EVI5: variants seen among roughly 807,000 people sequenced by gnomAD.
EVI5 encodes the protein ecotropic viral integration site 5, also known as ecotropic viral integration site 5 protein homolog.
A neutral mutation model predicts 112.0 loss-of-function variants in EVI5; 73 were observed. The observed-to-expected ratio is 0.65, with a 90% CI of 0.54 to 0.79. EVI5 has a LOEUF of 0.79. Among genes scored for constraint, EVI5 ranks in the 30% least tolerant of loss-of-function variants. The pLI, the probability that EVI5 is intolerant of heterozygous loss-of-function variation, is 0.00. For synonymous variants in EVI5, 305 were observed against 319.9 expected, an observed-to-expected ratio of 0.95 and a Z score of 0.50; for missense variants, 900 against 968.8, an observed-to-expected ratio of 0.93 and a Z score of 0.94.
intron 11 of EVI5, 114 bp downstream of exon 11, chr1:92,665,825 A>T: frequency 1.6e-6 from 1 of 636,390 alleles, no homozygotes; most frequent in Non-Finnish European, 2.7e-6. Context: ...CAAGCTAAGC[A>T]GTCAATACTA....
intron 2 of EVI5, among the ~76,000 whole-genome samples, chr1:92,731,076 C>T (rs1327275594): frequency 6.6e-6 from 1 of 152,164 alleles, no homozygotes; most frequent in Non-Finnish European, 1.5e-5. Flanking sequence ...GTAATCCCAG[C>T]ACTTTGGGAG....
intron 16 of EVI5, among the ~76,000 whole-genome samples, chr1:92,618,054 G>A (rs947460680): frequency 1.3e-5 from 2 of 152,180 alleles, no homozygotes; most frequent in African/African-American, 4.8e-5. Context: ...ATGGGCTTTT[G>A]AAGTCACAAT....
intron 1 of EVI5, 50 bp from the exon 2 acceptor site, chr1:92,736,677 T>A: frequency 8.9e-7 from 1 of 1,118,834 alleles, no homozygotes; most frequent in Non-Finnish European, 1.4e-6. Flanking sequence ...CTGTATTCAT[T>A]ACCGAGAACT....
At chr1:92,611,848 G>C (rs1335712577) in intron 16 of EVI5, among the ~76,000 whole-genome samples, 1 of 151,866 alleles carries the variant, frequency 6.6e-6, no homozygotes, top group Non-Finnish European at 1.5e-5. Context: ...GCTTGAGGCT[G>C]TAGTGAGATA....
chr1:92,604,848 C>T (rs954991257), intron 18 of EVI5, among the ~76,000 whole-genome samples: 1 of 152,168 alleles, frequency 6.6e-6, no homozygotes, highest in Non-Finnish European at 1.5e-5. Context: ...CATTATCATC[C>T]TATGGGACCA....
At chr1:92,632,288 T>C (rs1405241764) in intron 14 of EVI5, among the ~76,000 whole-genome samples, 5 of 152,314 alleles carry the variant, frequency 3.3e-5, no homozygotes, top group Admixed American at 2.0e-4. Flanking sequence ...CTGGTAGAAT[T>C]TGGCTGTGAA....
chr1:92,703,366 A>G, intron 4 of EVI5, 29 bp downstream of exon 4: 1 of 1,319,908 alleles, frequency 7.6e-7, no homozygotes. Flanking sequence ...AATTCATTTC[A>G]TTTCAAAAAA....
At chr1:92,763,591 G>C (rs1443852290) in intron 1 of EVI5, among the ~76,000 whole-genome samples, 1 of 151,784 alleles carries the variant, frequency 6.6e-6, no homozygotes, top group Non-Finnish European at 1.5e-5. Context: ...CTCTGGCCTG[G>C]GTGAAAGAAC....
At chr1:92,527,125 G>A (rs1662013511) in intron 19 of EVI5, among the ~76,000 whole-genome samples, 1 of 152,068 alleles carries the variant, frequency 6.6e-6, no homozygotes, top group Non-Finnish European at 1.5e-5. Context: ...TTTCAAGAAT[G>A]TATTTAGGGC....
chr1:92,522,573 A>G (rs968381037), intron 19 of EVI5, among the ~76,000 whole-genome samples: 1 of 132,666 alleles, frequency 7.5e-6, no homozygotes, highest in African/African-American at 2.8e-5. Context: ...GCGGGGGTTC[A>G]CTAGCCGAGA....
At chr1:92,726,401 C>T (rs988359792) in intron 2 of EVI5, among the ~76,000 whole-genome samples, 1 of 152,032 alleles carries the variant, frequency 6.6e-6, no homozygotes, top group African/African-American at 2.4e-5. Context: ...TCAATGAAAT[C>T]GCAACATTAA....
intron 19 of EVI5, among the ~76,000 whole-genome samples, chr1:92,560,496 C>T (rs1170483111): frequency 6.6e-6 from 1 of 152,092 alleles, no homozygotes; most frequent in Non-Finnish European, 1.5e-5. Flanking sequence ...ATTTATTGAG[C>T]TGTAAACTTT....
chr1:92,736,778 T>C (rs1677519875), intron 1 of EVI5, 151 bp from the exon 2 acceptor site: 1 of 626,040 alleles, frequency 1.6e-6, no homozygotes, highest in Non-Finnish European at 2.8e-6. Flanking sequence ...AACAATACCC[T>C]AATATCCAGC....
chr1:92,676,024 A>G (rs998527048), intron 10 of EVI5, among the ~76,000 whole-genome samples: 1 of 142,238 alleles, frequency 7.0e-6, no homozygotes, highest in African/African-American at 2.6e-5. Context: ...TGACAGAATT[A>G]AAAAAAAAAA....
At chr1:92,643,956 G>GA (rs1557982271) in intron 13 of EVI5, among the ~76,000 whole-genome samples, 1 of 152,130 alleles carries the variant, frequency 6.6e-6, no homozygotes, top group Non-Finnish European at 1.5e-5. Flanking sequence ...AATAAATGTA[G>GA]AAAAATGAGA....
chr1:92,767,523 T>C (rs562643562), intron 1 of EVI5, among the ~76,000 whole-genome samples: 18 of 152,156 alleles, frequency 1.2e-4, no homozygotes, highest in African/African-American at 4.3e-4. Flanking sequence ...AATTATGAGG[T>C]GGAAAAAATG....
chr1:92,727,570 C>G (rs1296338135), intron 2 of EVI5, among the ~76,000 whole-genome samples: 3 of 152,052 alleles, frequency 2.0e-5, no homozygotes, highest in African/African-American at 7.2e-5. Context: ...TGTATCCAAC[C>G]TACTAATTGA....
At chr1:92,705,175 A>G (rs1671774388) in intron 2 of EVI5, among the ~76,000 whole-genome samples, 1 of 152,168 alleles carries the variant, frequency 6.6e-6, no homozygotes, top group African/African-American at 2.4e-5. Flanking sequence ...AGCCCCCAAA[A>G]TTAACCAAAT....
At chr1:92,677,495 T>G (rs1383215048) in intron 9 of EVI5, among the ~76,000 whole-genome samples, 1 of 152,182 alleles carries the variant, frequency 6.6e-6, no homozygotes, top group Non-Finnish European at 1.5e-5. Flanking sequence ...ACAGATTCTT[T>G]TCAGCCCTAA....
Sources: allele counts gnomAD v4.1 joint callset (sites outside exome capture counted in the v4.1 genomes callset), GRCh38; gene constraint gnomAD v4.1.1; transcripts MANE v1.5; gene names NCBI Gene and HGNC (gene_info 2026-07-23, HGNC 2026-07-21).